The following LYZL1 variants were observed in gnomAD, a reference collection of about 807,000 sequenced individuals.
LYZL1 encodes the protein lysozyme-like protein 1.
Under a neutral mutation model 17.9 loss-of-function variants are expected in LYZL1, and 16 were observed. The ratio of observed to expected loss-of-function variants is 0.90; its 90% CI spans 0.61 to 1.36. LYZL1 has a LOEUF of 1.36. Among genes scored for constraint, LYZL1 ranks in the 40% most tolerant of loss-of-function variants. The pLI, the probability that LYZL1 is intolerant of heterozygous loss-of-function variation, is 0.00. For synonymous variants in LYZL1, 58 were observed against 71.8 expected, an observed-to-expected ratio of 0.81 and a Z score of 0.97; for missense variants, 149 against 188.4, an observed-to-expected ratio of 0.79 and a Z score of 1.22.
At chr10:29,302,405 T>C (rs765260088) in intron 3 of LYZL1, among the ~76,000 whole-genome samples, 5 of 144,058 alleles carry the variant, frequency 3.5e-5, no homozygotes. Context: ...GGATGAGACA[T>C]CAAAGGCCGG....
intron 3 of LYZL1, among the ~76,000 whole-genome samples, chr10:29,304,895 A>T (rs1342097598): frequency 6.6e-6 from 1 of 152,204 alleles, no homozygotes; most frequent in Non-Finnish European, 1.5e-5. Flanking sequence ...GCTATAACAA[A>T]GTAGGAGGAG....
chr10:29,301,911 CT>C (rs79660669), intron 3 of LYZL1, among the ~76,000 whole-genome samples: 58,709 of 149,122 alleles, frequency 0.39, 11,683 homozygotes, highest in African/African-American at 0.49. Context: ...TCCACTGTTA[CT>C]TTTTTTTTTA....
chr10:29,316,719 CT>C (rs35261405), intron 3 of LYZL1, among the ~76,000 whole-genome samples: 3 of 100,428 alleles, frequency 3.0e-5, no homozygotes, highest in East Asian at 2.8e-4. Flanking sequence ...TTTTTTTTTT[CT>C]TTTTTTTTTA....
At chr10:29,316,338 T>C (rs1835729441) in intron 3 of LYZL1, among the ~76,000 whole-genome samples, 1 of 152,218 alleles carries the variant, frequency 6.6e-6, no homozygotes, top group African/African-American at 2.4e-5. Context: ...CACTTTGGTT[T>C]AAACTGATCC....
chr10:29,315,428 C>T (rs926390969), downstream of LYZL1, among the ~76,000 whole-genome samples: 3 of 152,084 alleles, frequency 2.0e-5, no homozygotes, highest in African/African-American at 4.8e-5. Context: ...ATGCAAATTG[C>T]TTGAACACTG....
chr10:29,289,722 G>C (rs1477389124), intron 1 of LYZL1, among the ~76,000 whole-genome samples: 1 of 152,036 alleles, frequency 6.6e-6, no homozygotes, highest in Non-Finnish European at 1.5e-5. Flanking sequence ...CCTGGCCTTA[G>C]CTCTGCATCT....
chr10:29,292,491 C>A (rs1291351969), intron 2 of LYZL1, 28 bp from the exon 3 acceptor site: 5 of 1,608,858 alleles, frequency 3.1e-6, no homozygotes, highest in Non-Finnish European at 4.2e-6. Context: ...ACTTCCTTTG[C>A]TGGCGTTTCT....
chr10:29,309,699 T>C (rs1370081870), intron 3 of LYZL1, among the ~76,000 whole-genome samples: 1 of 152,178 alleles, frequency 6.6e-6, no homozygotes, highest in African/African-American at 2.4e-5. Flanking sequence ...TCTTGCTACG[T>C]TGCCCAGGCT....
At chr10:29,317,391 G>A (rs1835745283) in exon 4 of LYZL1, 1 of 152,256 alleles carries the variant, frequency 6.6e-6, no homozygotes, top group Non-Finnish European at 1.5e-5. Context: ...AAGACTAGAA[G>A]TATGAAAGCC....
intron 4 of LYZL1, 90 bp from the exon 5 acceptor site, chr10:29,310,900 G>C: frequency 1.9e-6 from 3 of 1,601,690 alleles, no homozygotes; most frequent in Non-Finnish European, 8.5e-7. Context: ...TTCCGCTGGC[G>C]ATTTTGGTTA....
downstream of LYZL1, among the ~76,000 whole-genome samples, chr10:29,311,604 T>TTGCCCTA (rs1236155156): frequency 6.6e-6 from 1 of 152,170 alleles, no homozygotes; most frequent in East Asian, 1.9e-4. Context: ...GATATTGAAA[T>TTGCCCTA]TCTCATAAAA....
chr10:29,296,919 G>A (rs1262140936), intron 3 of LYZL1, among the ~76,000 whole-genome samples: 1 of 152,054 alleles, frequency 6.6e-6, no homozygotes, highest in African/African-American at 2.4e-5. Context: ...CTTCAGAGGA[G>A]TAGCAGTGAC....
intron 4 of LYZL1, 39 bp from the exon 5 acceptor site, chr10:29,310,951 C>G (rs41283736): frequency 1.9e-6 from 3 of 1,613,954 alleles, no homozygotes; most frequent in Non-Finnish European, 2.5e-6. Flanking sequence ...TGGATTGTCA[C>G]GCTTCTTTCT....
At chr10:29,312,382 T>C (rs532526767), downstream of LYZL1, among the ~76,000 whole-genome samples, 23 of 152,278 alleles carry the variant, frequency 1.5e-4, no homozygotes, top group Non-Finnish European at 2.4e-4. Context: ...ATGAGATTTT[T>C]TTTTTTTGTG....
downstream of LYZL1, among the ~76,000 whole-genome samples, chr10:29,314,085 A>T (rs1262621813): frequency 6.6e-6 from 1 of 152,032 alleles, no homozygotes; most frequent in Non-Finnish European, 1.5e-5. Flanking sequence ...ATTTCCCCTC[A>T]GGTGTCCTTG....
chr10:29,301,070 A>G (rs1419520067), intron 3 of LYZL1, among the ~76,000 whole-genome samples: 1 of 152,044 alleles, frequency 6.6e-6, no homozygotes, highest in African/African-American at 2.4e-5. Context: ...TGTAACTCCC[A>G]TAATTCCCAT....
chr10:29,292,446 A>G (rs939217274), intron 2 of LYZL1, 73 bp from the exon 3 acceptor site: 7 of 1,571,206 alleles, frequency 4.5e-6, no homozygotes, highest in Non-Finnish European at 6.0e-6. Flanking sequence ...GGATAAGGAA[A>G]CTCGCCCTCA....
At position 29,311,213 on chromosome 10, in the gene LYZL1, C is replaced by T. The variant is rs2132838780; in HGVS notation, c.*154C>T. On this transcript the variant is annotated 3_prime_UTR_variant, in exon 5 of 5. Transcript: ENST00000649382. ...TATACTTTTAAGAAAATAAATATTT[C>T]CATTTAAATGTCTTCACCCCGTCTC... 6.4e-7 allele frequency: 1 copy of T among 1,563,938 alleles called. No homozygotes were observed. The highest frequency in any genetic ancestry group is 2.3e-5 in the East Asian group (1 of 43,216).
chr10:29,307,387 C>T (rs574743292), intron 3 of LYZL1, among the ~76,000 whole-genome samples: 18 of 152,290 alleles, frequency 1.2e-4, no homozygotes, highest in African/African-American at 4.3e-4. Flanking sequence ...GTCTTCCTTC[C>T]TTCACTTAGC....
Sources: gnomAD v4.1 joint callset for allele counts (sites outside exome capture counted in the v4.1 genomes callset) on GRCh38, gnomAD v4.1.1 for gene constraint, MANE v1.5 for transcripts, NCBI Gene and HGNC (gene_info 2026-07-23, HGNC 2026-07-21) for gene names.